Variants in DRAM1 observed in about 807,000 individuals in gnomAD.
The protein encoded by DRAM1 is DNA damage regulated autophagy modulator 1.
A neutral mutation model predicts 28.5 loss-of-function variants in DRAM1; 25 were observed. The observed-to-expected ratio is 0.88, with a 90% CI of 0.64 to 1.23. The LOEUF (loss-of-function observed/expected upper bound fraction) is 1.23. Ranked by LOEUF, DRAM1 falls within the 50% of genes most tolerant of loss-of-function variation. The pLI is 0.00. For missense variants in DRAM1, 249 were observed against 299.2 expected, an observed-to-expected ratio of 0.83 and a Z score of 1.24; for synonymous variants, 113 against 114.2, an observed-to-expected ratio of 0.99 and a Z score of 0.07.
intron 1 of DRAM1, among the ~76,000 whole-genome samples, chr12:101,886,159 G>A (rs1872879958): frequency 6.6e-6 from 1 of 152,140 alleles, no homozygotes; most frequent in Non-Finnish European, 1.5e-5. Context: ...AAGATTTGCG[G>A]TCCCAGTTTG....
intron 3 of DRAM1, among the ~76,000 whole-genome samples, chr12:101,905,991 C>T (rs897378685): frequency 2.0e-5 from 3 of 151,910 alleles, no homozygotes; most frequent in Non-Finnish European, 2.9e-5. Context: ...GGTTTCACCA[C>T]GTTGGCGAGG....
chr12:101,906,871 AAAG>A (rs1344960822), intron 3 of DRAM1, among the ~76,000 whole-genome samples: 50 of 145,782 alleles, frequency 3.4e-4, no homozygotes, highest in East Asian at 2.0e-3. Flanking sequence ...AAAAAAAAAA[AAAG>A]AAAAGAAAAG....
At chr12:101,882,107 ATTTTTTTTTTTT>A (rs78402038) in intron 1 of DRAM1, among the ~76,000 whole-genome samples, 6 of 129,532 alleles carry the variant, frequency 4.6e-5, no homozygotes, top group Admixed American at 8.6e-5. Context: ...TGATGGTCTA[ATTTTTTTTTTTT>A]TTTTTTTTTT....
chr12:101,908,458 A>C (rs1873908850), intron 4 of DRAM1, 95 bp downstream of exon 4: 2 of 1,291,648 alleles, frequency 1.5e-6, no homozygotes, highest in Non-Finnish European at 2.2e-6. Context: ...GGACCGCTGC[A>C]ATGAGTTCTG....
At chr12:101,914,322 C>A in intron 5 of DRAM1, 90 bp downstream of exon 5, 1 of 874,500 alleles carries the variant, frequency 1.1e-6, no homozygotes, top group Non-Finnish European at 1.7e-6. Flanking sequence ...ACTGCCGTTC[C>A]TTAGAACAAG....
Position 101,908,378 on chromosome 12 carries a change from A to G in DRAM1, c.520+15A>G. Reference sequence around the variant, plus strand: ...TGTCATCCCCAGTATCCTTTTTCACATTTGTGCCTTGTTAAAGGAATAAAA... The same window carrying G: ...TGTCATCCCCAGTATCCTTTTTCACGTTTGTGCCTTGTTAAAGGAATAAAA... On this transcript the variant is annotated intron_variant, in intron 4 of 6. Transcript: ENST00000258534. 6 of 1,598,988 alleles carry G rather than the reference A, an allele frequency of 3.8e-6. No homozygotes were observed. Among genetic ancestry groups the G allele is most frequent in the Non-Finnish European group, 5.1e-6 (6 of 1,173,918 alleles).
chr12:101,909,621 TTAAAA>T (rs1300557747), intron 4 of DRAM1, among the ~76,000 whole-genome samples: 1 of 152,186 alleles, frequency 6.6e-6, no homozygotes, highest in East Asian at 1.9e-4. Flanking sequence ...ACTGAGTAAA[TTAAAA>T]TATGTTTAGC....
chr12:101,891,943 A>G (rs1409984939), intron 1 of DRAM1, among the ~76,000 whole-genome samples: 1 of 152,196 alleles, frequency 6.6e-6, no homozygotes, highest in Non-Finnish European at 1.5e-5. Flanking sequence ...AGGCCACCCA[A>G]ATACTACTAC....
intron 5 of DRAM1, among the ~76,000 whole-genome samples, chr12:101,919,490 C>T (rs1274907806): frequency 6.6e-6 from 1 of 152,210 alleles, no homozygotes; most frequent in African/African-American, 2.4e-5. Context: ...AAGCCATTCT[C>T]CTTGGCTTCC....
In DRAM1 at chr12:101,922,431, G is replaced by C. The variant is rs1874518161; in HGVS notation, c.*1171G>C. The C allele has an allele frequency of 6.6e-6, 1 of 152,286 alleles. No homozygotes were observed. The highest frequency in any genetic ancestry group is 2.4e-5 in the African/African-American group (1 of 41,452). 9.4% of individuals were successfully genotyped at this position (152,286 alleles called of 1,614,324 possible). ...CAAATCCTAGAGCATAAACCCATGT[G>C]TGGCCAAGTGAGATCAGCCCTCAAG... On this transcript the variant is annotated 3_prime_UTR_variant, in exon 7 of 7. Coordinates refer to ENST00000258534, the MANE Select transcript of DRAM1 (RefSeq NM_018370.3).
At chr12:101,890,838 C>T (rs1873095407) in intron 1 of DRAM1, among the ~76,000 whole-genome samples, 1 of 151,530 alleles carries the variant, frequency 6.6e-6, no homozygotes, top group African/African-American at 2.4e-5. Flanking sequence ...GCAACCTCCA[C>T]TTCCCGGGTT....
At chr12:101,918,132 C>T (rs1874328967) in intron 5 of DRAM1, among the ~76,000 whole-genome samples, 1 of 152,200 alleles carries the variant, frequency 6.6e-6, no homozygotes, top group South Asian at 2.1e-4. Context: ...CATTAATTCA[C>T]TGAATAATCA....
intron 1 of DRAM1, among the ~76,000 whole-genome samples, chr12:101,881,655 A>G (rs1004432347): frequency 6.6e-6 from 1 of 152,002 alleles, no homozygotes; most frequent in African/African-American, 2.4e-5. Context: ...CCCTGCAGCT[A>G]TTTTTCACTT....
chr12:101,896,472 A>G (rs1440241078), intron 1 of DRAM1, among the ~76,000 whole-genome samples: 2 of 152,200 alleles, frequency 1.3e-5, no homozygotes, highest in Non-Finnish European at 2.9e-5. Flanking sequence ...AATAGAAAAT[A>G]GAACATGTTG....
intron 2 of DRAM1, among the ~76,000 whole-genome samples, chr12:101,898,572 G>A (rs1490258653): frequency 5.9e-5 from 9 of 152,196 alleles, no homozygotes; most frequent in African/African-American, 1.2e-4. Flanking sequence ...CACCCAATGC[G>A]TAAGCTAAGT....
intron 1 of DRAM1, among the ~76,000 whole-genome samples, chr12:101,878,996 A>ATT (rs112073337): frequency 2.6e-5 from 4 of 151,174 alleles, no homozygotes; most frequent in South Asian, 2.1e-4. Context: ...ATTTTTTAAA[A>ATT]TTTTTTTTAT....
In DRAM1 at chr12:101,878,501, A is replaced by C. The variant is rs76563235; in HGVS notation, c.131+581A>C. 7.8e-3 allele frequency among the ~76,000 whole-genome samples: 1,188 copies of C among 152,316 alleles called. 16 individuals carry two copies. Among genetic ancestry groups the C allele is most frequent in the African/African-American group, 0.027 (1,115 of 41,554 alleles). On this transcript the variant is annotated intron_variant, in intron 1 of 6. Transcript: ENST00000258534. ...CCCCAGGTCTCTGGGAGTCTGGCTT[A>C]AATTCTCTGGAGCTGCACCAGACAC...
intron 1 of DRAM1, among the ~76,000 whole-genome samples, chr12:101,891,865 C>T (rs1397237579): frequency 6.6e-6 from 1 of 152,224 alleles, no homozygotes; most frequent in Non-Finnish European, 1.5e-5. Flanking sequence ...TGCTGCCAGG[C>T]TGGGAAGCAA....
At chr12:101,884,402 C>T (rs972676733) in intron 1 of DRAM1, among the ~76,000 whole-genome samples, 4 of 150,528 alleles carry the variant, frequency 2.7e-5, no homozygotes, top group African/African-American at 4.9e-5. Context: ...GATTTGCACA[C>T]GGCCACACCC....
Sources: gnomAD v4.1 joint callset for allele counts (sites outside exome capture counted in the v4.1 genomes callset) on GRCh38, gnomAD v4.1.1 for gene constraint, MANE v1.5 for transcripts, NCBI Gene and HGNC (gene_info 2026-07-23, HGNC 2026-07-21) for gene names.